The following DRC11 variants were observed in gnomAD, a reference collection of about 807,000 sequenced individuals.
DRC11 encodes dynein regulatory complex subunit 11.
chr2:236,421,659 G>A, the DRC11 span, among the ~76,000 whole-genome samples: 1 of 152,170 alleles, frequency 6.6e-6, no homozygotes, highest in African/African-American at 2.4e-5. Context: ...CATTCCTTCT[G>A]AAACTATTCT....
the DRC11 span, chr2:236,346,885 G>A: frequency 6.1e-6 from 1 of 162,670 alleles, no homozygotes; most frequent in African/African-American, 2.4e-5. Context: ...GAGGCAAAAC[G>A]GTGGAATTTA....
chr2:236,504,824 A>G, the DRC11 span, among the ~76,000 whole-genome samples: 1 of 152,000 alleles, frequency 6.6e-6, no homozygotes, highest in Non-Finnish European at 1.5e-5. The surrounding 1 kb of genome is among the most constrained non-coding windows in gnomAD (Gnocchi z 5.0). Flanking sequence ...TTGCTCTGCA[A>G]TTTTCCTTGC....
At chr2:236,323,806 C>T in the DRC11 span, among the ~76,000 whole-genome samples, 20 of 152,354 alleles carry the variant, frequency 1.3e-4, no homozygotes, top group Admixed American at 3.9e-4. This position sits in a 1 kb window ranked among gnomAD's most constrained non-coding sequence, Gnocchi z 6.4. Flanking sequence ...AAGTGGGTTA[C>T]TTGCTATCTT....
the DRC11 span, among the ~76,000 whole-genome samples, chr2:236,392,718 T>G: frequency 3.2e-3 from 488 of 152,334 alleles, 3 homozygotes; most frequent in Non-Finnish European, 5.6e-3. This position sits in a 1 kb window ranked among gnomAD's most constrained non-coding sequence, Gnocchi z 5.1. Flanking sequence ...TAATGTTTTA[T>G]CTTACTTTTT....
chr2:236,426,017 G>A, the DRC11 span, among the ~76,000 whole-genome samples: 7 of 151,876 alleles, frequency 4.6e-5, no homozygotes, highest in Admixed American at 6.6e-5. This position sits in a 1 kb window ranked among gnomAD's most constrained non-coding sequence, Gnocchi z 4.1. Flanking sequence ...CCAGTATCAC[G>A]CTGTTTTGCT....
At chr2:236,380,775 C>T in the DRC11 span, 5 of 675,952 alleles carry the variant, frequency 7.4e-6, no homozygotes, top group Non-Finnish European at 1.0e-5. This position sits in a 1 kb window ranked among gnomAD's most constrained non-coding sequence, Gnocchi z 4.9. Flanking sequence ...ACAGAGCTGC[C>T]GTGTTTTCAT....
the DRC11 span, among the ~76,000 whole-genome samples, chr2:236,406,519 C>A: frequency 1.3e-5 from 2 of 152,116 alleles, no homozygotes; most frequent in Admixed American, 1.3e-4. This position sits in a 1 kb window ranked among gnomAD's most constrained non-coding sequence, Gnocchi z 4.7. Context: ...CCTGCTCCTC[C>A]CCTCTGGGTC....
At chr2:236,490,324 G>A in the DRC11 span, among the ~76,000 whole-genome samples, 8 of 152,264 alleles carry the variant, frequency 5.3e-5, no homozygotes, top group South Asian at 1.7e-3. This position sits in a 1 kb window ranked among gnomAD's most constrained non-coding sequence, Gnocchi z 5.5. Context: ...AGAAGAGAAG[G>A]AGCCAATTTG....
chr2:236,357,750 A>T, the DRC11 span, among the ~76,000 whole-genome samples: 1 of 126,846 alleles, frequency 7.9e-6, no homozygotes, highest in Non-Finnish European at 1.5e-5. Context: ...ATATGTAAAT[A>T]TATAAATATA....
the DRC11 span, among the ~76,000 whole-genome samples, chr2:236,363,501 TG>T: frequency 6.6e-6 from 1 of 152,148 alleles, no homozygotes; most frequent in Non-Finnish European, 1.5e-5. This position sits in a 1 kb window ranked among gnomAD's most constrained non-coding sequence, Gnocchi z 5.6. Flanking sequence ...AAAGAAATTG[TG>T]GGTTTAATTT....
chr2:236,327,071 T>G, the DRC11 span, among the ~76,000 whole-genome samples: 2 of 152,092 alleles, frequency 1.3e-5, no homozygotes, highest in African/African-American at 4.8e-5. Flanking sequence ...TCTCTCTCCT[T>G]ATTCTTTCCT....
At chr2:236,414,329 T>C in the DRC11 span, among the ~76,000 whole-genome samples, 2 of 152,224 alleles carry the variant, frequency 1.3e-5, no homozygotes, top group African/African-American at 4.8e-5. Context: ...ATGTTTTTCC[T>C]ATGTTTTAAT....
At chr2:236,394,528 G>A in the DRC11 span, among the ~76,000 whole-genome samples, 3 of 152,098 alleles carry the variant, frequency 2.0e-5, no homozygotes, top group Non-Finnish European at 4.4e-5. This position sits in a 1 kb window ranked among gnomAD's most constrained non-coding sequence, Gnocchi z 7.0. Flanking sequence ...CTACTCAGGA[G>A]GCTGAGGCAG....
the DRC11 span, among the ~76,000 whole-genome samples, chr2:236,403,264 G>A: frequency 1.3e-5 from 2 of 152,122 alleles, no homozygotes; most frequent in African/African-American, 4.8e-5. Flanking sequence ...TTCGGCAGCC[G>A]TGAGGACTGC....
the DRC11 span, chr2:236,441,055 G>C: frequency 1.9e-6 from 3 of 1,551,014 alleles, no homozygotes; most frequent in Non-Finnish European, 1.7e-6. Flanking sequence ...GTATGGTCTT[G>C]TCAGAAAAAA....
At chr2:236,410,057 G>T in the DRC11 span, among the ~76,000 whole-genome samples, 1 of 151,850 alleles carries the variant, frequency 6.6e-6, no homozygotes, top group Non-Finnish European at 1.5e-5. Context: ...CAAGGATATT[G>T]GTCTAAAATT....
the DRC11 span, among the ~76,000 whole-genome samples, chr2:236,422,047 G>A: frequency 9.3e-4 from 141 of 152,206 alleles, no homozygotes; most frequent in African/African-American, 3.1e-3. Context: ...GGTATCGATG[G>A]GACGTATTTC....
the DRC11 span, among the ~76,000 whole-genome samples, chr2:236,441,640 C>T: frequency 6.6e-6 from 1 of 152,050 alleles, no homozygotes; most frequent in African/African-American, 2.4e-5. Flanking sequence ...TTTAATAAAG[C>T]AGACTTTGAA....
At chr2:236,356,704 G>A in the DRC11 span, among the ~76,000 whole-genome samples, 1,084 of 148,900 alleles carry the variant, frequency 7.3e-3, 8 homozygotes, top group South Asian at 0.016. Flanking sequence ...ACTCCAGGGC[G>A]GAGGTCAGAA....
Sources: gnomAD v4.1 joint callset for allele counts (sites outside exome capture counted in the v4.1 genomes callset) on GRCh38, gnomAD v4.1.1 for gene constraint, Gnocchi (gnomAD v3.1) non-coding constraint, MANE v1.5 for transcripts, NCBI Gene and HGNC (gene_info 2026-07-23, HGNC 2026-07-21) for gene names.